ARIH1: variants seen among roughly 807,000 people sequenced by gnomAD.
The protein encoded by ARIH1 is E3 ubiquitin-protein ligase ARIH1.
Under a neutral mutation model 85.0 loss-of-function variants are expected in ARIH1, and 8 were observed. The observed-to-expected ratio is 0.09, with a 90% CI of 0.06 to 0.17. ARIH1 has a LOEUF of 0.17. ARIH1 is among the 10% of genes least tolerant of loss of function. The pLI is 1.00. For missense variants in ARIH1, 311 were observed against 718.1 expected (o/e 0.43, Z 6.48); for synonymous variants, 238 against 253.6 (o/e 0.94, Z 0.59).
rs1036808558 is a variant in ARIH1, at chr15:72,492,605, C to T, written c.375+17591C>T. Among the ~76,000 whole-genome samples the T allele has an allele frequency of 2.6e-5, 4 of 152,212 alleles. No individual in the cohort carries two copies. In the East Asian group the frequency reaches 5.8e-4, roughly 22 times the overall value. ...GAAATGTTCCTTTGAAATTTGGAAA[C>T]GTATGTACATAATTTTAGTCACTGA... is the stretch of plus-strand genomic sequence containing the variant. On this transcript the variant is annotated intron_variant, in intron 1 of 13. Transcript: ENST00000379887.
At chr15:72,572,244 T>C in intron 11 of ARIH1, 79 bp downstream of exon 11, 1 of 1,131,354 alleles carries the variant, frequency 8.8e-7, no homozygotes, top group Non-Finnish European at 1.3e-6. Flanking sequence ...ATAATTTTTT[T>C]TTTTTTTTTT....
In ARIH1 at chr15:72,587,928, AATATGAGTT is replaced by A. The variant is rs2064324641; in HGVS notation, c.*4639_*4647del. 1 of 152,232 alleles carries A rather than the reference AATATGAGTT, an allele frequency of 6.6e-6. No homozygotes were observed. Among genetic ancestry groups the A allele is most frequent in the African/African-American group, 2.4e-5 (1 of 41,450 alleles). The allele number at this position is 152,232 out of a possible 1,614,324, so 9.4% of individuals were successfully genotyped here. On this transcript the variant is annotated 3_prime_UTR_variant, in exon 14 of 14. Coordinates refer to ENST00000379887, the MANE Select transcript of ARIH1 (RefSeq NM_005744.5). ...GGTAGCATTTAGGATGGGAAAAAAT[AATATGAGTT>A]ATGTGCGAAAAGCAGTTTTCAGGCT...
rs1265932907 is a variant in ARIH1 at position 72,590,580 on chromosome 15, A to G, written c.*7288A>G. The stretch of plus-strand genomic sequence containing the variant: ...GACATGGGCTTTTTAAAAGATTACT[A>G]TTTTTTTAGAGGTGGGGTCTCACTA... On this transcript the variant is annotated 3_prime_UTR_variant, in exon 14 of 14. Transcript: ENST00000379887. 6.6e-6 allele frequency: 1 copy of G among 151,676 alleles called. No homozygotes were observed. Among genetic ancestry groups the G allele is most frequent in the African/African-American group, 2.4e-5 (1 of 41,192 alleles). 9.4% of individuals were successfully genotyped at this position (151,676 alleles called of 1,614,324 possible).
rs898677152 is a variant in ARIH1 at position 72,546,907 on chromosome 15, C to T, written c.588+1943C>T. Among the ~76,000 whole-genome samples the T allele has an allele frequency of 2.8e-5, 3 of 106,168 alleles. No homozygotes were observed. The East Asian group carries it at 8.5e-4, about 30-fold the overall frequency. 69.7% of individuals were successfully genotyped at this position (106,168 alleles called of 152,430 possible). A position where few individuals can be genotyped will look rare whatever the true frequency, so the allele number is the denominator to read the frequency against. Reference sequence around the variant, plus strand: ...GCTCCTCCAGTTTTGGTTTCTTCTCCTTTTCTTTTCTTTTCTTTTTTTTTG... The same window carrying T: ...GCTCCTCCAGTTTTGGTTTCTTCTCTTTTTCTTTTCTTTTCTTTTTTTTTG... On this transcript the variant is annotated intron_variant, in intron 3 of 13. Transcript: ENST00000379887.
At chr15:72,556,574 T>G (rs375984331) in intron 5 of ARIH1, among the ~76,000 whole-genome samples, 1 of 152,074 alleles carries the variant, frequency 6.6e-6, no homozygotes, top group Non-Finnish European at 1.5e-5. Context: ...TTTCTTTTTT[T>G]TCTTTTAACT....
chr15:72,486,052 G>A (rs2063836229), intron 1 of ARIH1, among the ~76,000 whole-genome samples: 1 of 152,066 alleles, frequency 6.6e-6, no homozygotes, highest in African/African-American at 2.4e-5. Flanking sequence ...CTTTTATAAA[G>A]TCAGTAGATT....
rs370241243 is a variant in ARIH1 at position 72,493,633 on chromosome 15, T to G, written c.375+18619T>G. Among the ~76,000 whole-genome samples the G allele has an allele frequency of 5.5e-3, 836 of 152,298 alleles. 10 individuals carry two copies. Among genetic ancestry groups the G allele is most frequent in the African/African-American group, 0.019 (795 of 41,560 alleles). ...AAGCACTTTCTAGACAGTTAACTAG[T>G]TAGCTCTGAGTAGAATGTTTTCTAC... On this transcript the variant is annotated intron_variant, in intron 1 of 13. Coordinates refer to ENST00000379887, the MANE Select transcript of ARIH1 (RefSeq NM_005744.5).
At chr15:72,562,331 T>A (rs549762288) in intron 6 of ARIH1, among the ~76,000 whole-genome samples, 1 of 152,312 alleles carries the variant, frequency 6.6e-6, no homozygotes, top group East Asian at 1.9e-4. Context: ...AAACCAAAAT[T>A]CTTTACCCTC....
chr15:72,480,475 G>A (rs1420905733), intron 1 of ARIH1, among the ~76,000 whole-genome samples: 1 of 151,834 alleles, frequency 6.6e-6, no homozygotes, highest in African/African-American at 2.4e-5. Context: ...TGGCCAGGCT[G>A]GTCTCGAACT....
chr15:72,554,095 T>C (rs1397998622), intron 3 of ARIH1, among the ~76,000 whole-genome samples: 13 of 152,226 alleles, frequency 8.5e-5, no homozygotes, highest in Non-Finnish European at 4.4e-5. Context: ...TATGGAAATA[T>C]GGAAAAATAT....
chr15:72,576,381 C>T (rs1362241849), intron 11 of ARIH1, among the ~76,000 whole-genome samples: 1 of 151,944 alleles, frequency 6.6e-6, no homozygotes, highest in East Asian at 1.9e-4. Context: ...TGGCGGGCAC[C>T]TGTAGTCCCA....
chr15:72,572,583 A>G (rs2064253703), intron 11 of ARIH1, among the ~76,000 whole-genome samples: 1 of 152,228 alleles, frequency 6.6e-6, no homozygotes, highest in South Asian at 2.1e-4. Context: ...AATATTGGAT[A>G]TCTATTTACA....
intron 11 of ARIH1, among the ~76,000 whole-genome samples, chr15:72,573,026 G>A (rs2064255441): frequency 6.6e-6 from 1 of 152,126 alleles, no homozygotes; most frequent in Non-Finnish European, 1.5e-5. Context: ...GAATTTAATA[G>A]TTCCTACATT....
At chr15:72,496,452 T>G (rs945875974) in intron 1 of ARIH1, among the ~76,000 whole-genome samples, 5 of 152,208 alleles carry the variant, frequency 3.3e-5, no homozygotes, top group African/African-American at 7.2e-5. Context: ...GCAGAAAGCC[T>G]TCTATGGATG....
chr15:72,543,314 G>A (rs1022923931), intron 2 of ARIH1, among the ~76,000 whole-genome samples: 3 of 151,574 alleles, frequency 2.0e-5, no homozygotes, highest in African/African-American at 4.8e-5. Flanking sequence ...CCGAGATGGC[G>A]CCACTGCACT....
chr15:72,565,422 AG>A (rs1168403273), intron 7 of ARIH1, among the ~76,000 whole-genome samples: 3 of 151,956 alleles, frequency 2.0e-5, no homozygotes, highest in Non-Finnish European at 2.9e-5. Context: ...GGTGGTTTGG[AG>A]GGGGAAATAT....
At chr15:72,551,782 C>T (rs563158227) in intron 3 of ARIH1, among the ~76,000 whole-genome samples, 30 of 151,926 alleles carry the variant, frequency 2.0e-4, no homozygotes, top group Admixed American at 5.9e-4. Context: ...AAAAAGCCTC[C>T]GTAAATAAGT....
At chr15:72,556,566 T>C (rs997180813) in intron 5 of ARIH1, among the ~76,000 whole-genome samples, 1 of 151,264 alleles carries the variant, frequency 6.6e-6, no homozygotes, top group Non-Finnish European at 1.5e-5. Flanking sequence ...AAAGGTTCTT[T>C]CTTTTTTTTC....
rs887906495 is a variant in ARIH1 at position 72,543,728 on chromosome 15, C to T, written c.444-1092C>T. On this transcript the variant is annotated intron_variant, in intron 2 of 13. Coordinates refer to ENST00000379887, the MANE Select transcript of ARIH1 (RefSeq NM_005744.5). The stretch of plus-strand genomic sequence containing the variant: ...TGATTACTTTTAAAATTGAAAATCT[C>T]CTGTTTGTATATAAAGAGCATTATA... Among the ~76,000 whole-genome samples, 3 of 152,098 alleles carry T rather than the reference C, an allele frequency of 2.0e-5. No individual in the cohort carries two copies. In the East Asian group the frequency reaches 5.8e-4, roughly 29 times the overall value.
Sources: allele counts gnomAD v4.1 joint callset (sites outside exome capture counted in the v4.1 genomes callset), GRCh38; gene constraint gnomAD v4.1.1; transcripts MANE v1.5; gene names NCBI Gene and HGNC (gene_info 2026-07-23, HGNC 2026-07-21).